The following FREM1 variants were observed in gnomAD, a reference collection of about 807,000 sequenced individuals.
FREM1 encodes the protein FRAS1 related extracellular matrix 1.
A neutral mutation model predicts 210.1 loss-of-function variants in FREM1; 220 were observed. The observed-to-expected ratio is 1.05, with a 90% CI of 0.94 to 1.17. FREM1 has a LOEUF of 1.17. FREM1 is among the 50% of genes most tolerant of loss of function. FREM1 has a pLI of 0.00. For missense variants in FREM1, 3,454 were observed against 2,675.5 expected (o/e 1.29, Z -6.42); for synonymous variants, 1,189 against 980.2 (o/e 1.21, Z -3.98).
chr9:14,825,033 A>G, intron 10 of FREM1, 41 bp from the exon 11 acceptor site: 1 of 1,406,872 alleles, frequency 7.1e-7, no homozygotes, highest in Non-Finnish European at 9.7e-7. Context: ...GAAATACCAA[A>G]AAAACAACAA....
chr9:14,813,987 T>G (rs557204962), intron 15 of FREM1, among the ~76,000 whole-genome samples: 59 of 152,318 alleles, frequency 3.9e-4, no homozygotes, highest in African/African-American at 1.3e-3. Flanking sequence ...TCCCATGCTA[T>G]GGGGTGCCTT....
intron 27 of FREM1, among the ~76,000 whole-genome samples, chr9:14,762,940 C>A (rs186155356): frequency 6.6e-6 from 1 of 152,044 alleles, no homozygotes; most frequent in Non-Finnish European, 1.5e-5. Context: ...ATGTCCAGAT[C>A]CAGGAGCCCA....
intron 27 of FREM1, among the ~76,000 whole-genome samples, chr9:14,766,257 A>G (rs1172204302): frequency 6.6e-6 from 1 of 152,172 alleles, no homozygotes; most frequent in African/African-American, 2.4e-5. Context: ...CTAAATCTAA[A>G]TCTTTACGCA....
chr9:14,907,078 G>A (rs189452726), intron 1 of FREM1, among the ~76,000 whole-genome samples: 1 of 152,174 alleles, frequency 6.6e-6, no homozygotes, highest in East Asian at 1.9e-4. Flanking sequence ...ACTATTTTTG[G>A]CTTCTGTAAA....
intron 1 of FREM1, among the ~76,000 whole-genome samples, chr9:14,889,582 G>C (rs1227483276): frequency 6.6e-6 from 1 of 152,158 alleles, no homozygotes; most frequent in Non-Finnish European, 1.5e-5. Context: ...CATTATCCCA[G>C]GTGGCTTCCT....
At chr9:14,835,083 A>G (rs10961746) in intron 10 of FREM1, among the ~76,000 whole-genome samples, 28,600 of 152,246 alleles carry the variant, frequency 0.19, 2,985 homozygotes, top group Middle Eastern at 0.27. Flanking sequence ...GGACTCCTAA[A>G]AAACTGACAT....
At chr9:14,750,413 G>T in intron 29 of FREM1, 137 bp from the exon 30 acceptor site, 1 of 608,108 alleles carries the variant, frequency 1.6e-6, no homozygotes, top group Non-Finnish European at 2.8e-6. Context: ...CCAACTCACT[G>T]AAGTCCTGCT....
chr9:14,746,892 A>G (rs1420610233), intron 34 of FREM1, 31 bp downstream of exon 34: 1 of 1,606,826 alleles, frequency 6.2e-7, no homozygotes, highest in East Asian at 2.2e-5. Context: ...ATTGCGAATA[A>G]AGGTGCTTGG....
At chr9:14,825,013 C>A (rs879557443) in intron 10 of FREM1, 21 bp from the exon 11 acceptor site, 3 of 1,532,642 alleles carry the variant, frequency 2.0e-6, no homozygotes, top group Non-Finnish European at 2.6e-6. Flanking sequence ...AATGTCTGTA[C>A]CATTAATTTG....
intron 5 of FREM1, among the ~76,000 whole-genome samples, chr9:14,853,777 G>C (rs1828204768): frequency 6.6e-6 from 1 of 152,226 alleles, no homozygotes; most frequent in Non-Finnish European, 1.5e-5. Flanking sequence ...CCAGGGTTTA[G>C]AGTATCTAAT....
intron 13 of FREM1, among the ~76,000 whole-genome samples, chr9:14,820,801 C>T (rs542204317): frequency 1.3e-5 from 2 of 152,328 alleles, no homozygotes; most frequent in Admixed American, 1.3e-4. Context: ...TTTGCTAAAC[C>T]TATATTTTCA....
rs1825692863 is a variant in FREM1, at chr9:14,841,499, A to G, written c.1829T>C (p.Phe610Ser). Residue 610 changes from phenylalanine to serine, a missense_variant, in exon 10 of 37, where the codon TTT becomes TCT. Physicochemically the swap from Phe to Ser is radical, Grantham distance 155. Transcript: ENST00000380880. ...ATGGCTGTCCCACAGGACAAATTGA[A>G]AAGAATCTTCAAAGATTTCTCCACC... ...HFGGEIFEDS[F>S]QFVLWDSHEP... 6.2e-7 allele frequency: 1 copy of G among 1,612,502 alleles called. No homozygotes were observed.
chr9:14,810,455 A>G (rs1361136309), intron 16 of FREM1, among the ~76,000 whole-genome samples: 1 of 152,122 alleles, frequency 6.6e-6, no homozygotes, highest in Non-Finnish European at 1.5e-5. Flanking sequence ...GTGTTATTAA[A>G]AAAAAATTTG....
intron 36 of FREM1, among the ~76,000 whole-genome samples, chr9:14,739,799 A>C (rs1841189203): frequency 1.3e-5 from 2 of 151,898 alleles, no homozygotes; most frequent in African/African-American, 2.4e-5. Flanking sequence ...AAAAACATTA[A>C]ATCTTACATA....
chr9:14,822,545 A>G (rs759365772), intron 13 of FREM1, among the ~76,000 whole-genome samples: 10 of 152,218 alleles, frequency 6.6e-5, no homozygotes, highest in Non-Finnish European at 1.2e-4. Context: ...GACCATACTA[A>G]TTAAGCCTAG....
At position 14,776,049 on chromosome 9, in the gene FREM1, T is replaced by A; in HGVS notation, c.4597A>T (p.Thr1533Ser). ...TTCTCCGCAGGTGTATCAGGGTCGG[T>A]CAGCTGAAGGAGGTCAGGGGAAAGC... ...GLLSPDLLQL[T>S]DPDTPAENLT... The change falls in exon 25 of 37, where the codon ACC becomes TCC. Residue 1533 changes from threonine to serine, a missense_variant. Coordinates refer to ENST00000380880, the MANE Select transcript of FREM1 (RefSeq NM_001379081.2). The A allele has an allele frequency of 6.2e-7, 1 of 1,613,946 alleles. No homozygotes were observed. Among genetic ancestry groups the A allele is most frequent in the Non-Finnish European group, 8.5e-7 (1 of 1,179,862 alleles).
chr9:14,865,420 A>G (rs1831322357), intron 2 of FREM1, among the ~76,000 whole-genome samples: 1 of 152,248 alleles, frequency 6.6e-6, no homozygotes, highest in Non-Finnish European at 1.5e-5. Context: ...GTGTGCATCA[A>G]CTGAAATCCC....
At chr9:14,873,188 T>G (rs1326688682) in intron 1 of FREM1, among the ~76,000 whole-genome samples, 1 of 152,114 alleles carries the variant, frequency 6.6e-6, no homozygotes, top group Non-Finnish European at 1.5e-5. Flanking sequence ...CCTCATAAAA[T>G]GAGTTAGGGA....
intron 1 of FREM1, among the ~76,000 whole-genome samples, chr9:14,888,533 C>A (rs1836213849): frequency 6.6e-6 from 1 of 152,164 alleles, no homozygotes; most frequent in Non-Finnish European, 1.5e-5. Flanking sequence ...GCTTTAAGAG[C>A]AAATAATTAA....
Sources: allele counts gnomAD v4.1 joint callset (sites outside exome capture counted in the v4.1 genomes callset), GRCh38; gene constraint gnomAD v4.1.1; transcripts MANE v1.5; gene names NCBI Gene and HGNC (gene_info 2026-07-23, HGNC 2026-07-21).